Variants in NCKAP5 observed in about 807,000 individuals in gnomAD.
NCKAP5 encodes nck-associated protein 5.
Under a neutral mutation model 167.0 loss-of-function variants are expected in NCKAP5, and 92 were observed. That is an observed-to-expected ratio of 0.55 (90% CI 0.47 to 0.66). The LOEUF is 0.66. Among genes scored for constraint, NCKAP5 ranks in the 30% least tolerant of loss-of-function variants. The pLI is 0.00. For missense variants in NCKAP5, 2,378 were observed against 2,315.0 expected (o/e 1.03, Z -0.56); for synonymous variants, 891 against 877.4 (o/e 1.02, Z -0.27).
intron 3 of NCKAP5, among the ~76,000 whole-genome samples, chr2:133,356,286 A>G (rs1684711817): frequency 6.6e-6 from 1 of 152,100 alleles, no homozygotes; most frequent in Admixed American, 6.5e-5. Flanking sequence ...GTTTTTAACA[A>G]CCTCTCAGGG....
At chr2:133,201,819 A>T in intron 5 of NCKAP5, among the ~76,000 whole-genome samples, 1 of 152,270 alleles carries the variant, frequency 6.6e-6, no homozygotes, top group African/African-American at 2.4e-5. Context: ...CACAAGAGGA[A>T]CTAGGAGATT....
rs147118644 is a variant in NCKAP5, at chr2:133,140,479, G to A, written c.208-10368C>T. 1.1e-4 allele frequency among the ~76,000 whole-genome samples: 17 copies of A among 152,020 alleles called. No homozygotes were observed. In the East Asian group the frequency reaches 1.4e-3, roughly 12 times the overall value. ...AACTTTTGGTCCCTATGTTTCTCTC[G>A]TTGTTCTCTGTTATGGAGGATTCCA... On this transcript the variant is annotated intron_variant, in intron 5 of 19. Coordinates refer to ENST00000409261, the MANE Select transcript of NCKAP5 (RefSeq NM_207363.3).
At chr2:133,502,439 T>A (rs1247546728) in intron 3 of NCKAP5, among the ~76,000 whole-genome samples, 2 of 152,224 alleles carry the variant, frequency 1.3e-5, no homozygotes, top group African/African-American at 4.8e-5. Flanking sequence ...TGGTGTTTGA[T>A]GACTTTTCTC....
chr2:133,636,880 G>T, the NCKAP5 span, among the ~76,000 whole-genome samples: 3 of 151,664 alleles, frequency 2.0e-5, no homozygotes. Context: ...GAAATAGTAG[G>T]TTAGAAAAAA....
intron 4 of NCKAP5, among the ~76,000 whole-genome samples, chr2:133,226,538 G>A (rs1574436163): frequency 1.3e-5 from 2 of 151,302 alleles, no homozygotes; most frequent in East Asian, 3.9e-4. Context: ...TTTTAAATGA[G>A]GTCACTAGAA....
chr2:133,570,132 G>C (rs956390297), upstream of NCKAP5, among the ~76,000 whole-genome samples: 6 of 152,178 alleles, frequency 3.9e-5, no homozygotes, highest in Admixed American at 3.9e-4. Flanking sequence ...GATAAAGCAA[G>C]GTGCAGCGTA....
At chr2:133,145,332 G>A (rs2083151563) in intron 5 of NCKAP5, among the ~76,000 whole-genome samples, 1 of 151,936 alleles carries the variant, frequency 6.6e-6, no homozygotes, top group South Asian at 2.1e-4. Flanking sequence ...ACATACCGGG[G>A]CCTGTCGGGA....
chr2:133,598,392 C>T, the NCKAP5 span, among the ~76,000 whole-genome samples: 1 of 152,178 alleles, frequency 6.6e-6, no homozygotes, highest in Non-Finnish European at 1.5e-5. Flanking sequence ...CTCCAAAATC[C>T]TGTATGGTAC....
chr2:133,175,221 C>A (rs2084408065), intron 5 of NCKAP5, among the ~76,000 whole-genome samples: 1 of 152,070 alleles, frequency 6.6e-6, no homozygotes, highest in Non-Finnish European at 1.5e-5. Context: ...GATCCTTGAA[C>A]CTAAGATTTT....
intron 8 of NCKAP5, among the ~76,000 whole-genome samples, chr2:132,953,340 A>C (rs2076247991): frequency 6.6e-6 from 1 of 152,168 alleles, no homozygotes; most frequent in South Asian, 2.1e-4. Flanking sequence ...CTCACAGTTC[A>C]AGTGCAACTT....
chr2:133,235,796 C>T (rs753257895), intron 4 of NCKAP5, among the ~76,000 whole-genome samples: 30 of 151,240 alleles, frequency 2.0e-4, no homozygotes, highest in Non-Finnish European at 4.0e-4. Flanking sequence ...CCCAGCTACT[C>T]GGGAGGCTGA....
intron 3 of NCKAP5, among the ~76,000 whole-genome samples, chr2:133,491,636 T>A (rs1476567225): frequency 1.3e-5 from 2 of 152,140 alleles, no homozygotes; most frequent in Admixed American, 6.6e-5. Context: ...TCAGAATAGA[T>A]CTGTTCTTCT....
Position 133,033,554 on chromosome 2 carries a change from C to A in NCKAP5, c.342-39315G>T, listed in dbSNP as rs534337839. On this transcript the variant is annotated intron_variant, in intron 6 of 19. Coordinates refer to ENST00000409261, the MANE Select transcript of NCKAP5 (RefSeq NM_207363.3). The stretch of plus-strand genomic sequence containing the variant: ...CCAAACTTGGAGAAACAGAGAGATG[C>A]GATCTTTCAGACCAAGAATTCAAAA... 3.9e-5 allele frequency among the ~76,000 whole-genome samples: 6 copies of A among 152,160 alleles called. No individual in the cohort carries two copies. In the East Asian group the frequency reaches 7.7e-4, roughly 20 times the overall value.
At chr2:133,362,036 T>C (rs146169872) in intron 3 of NCKAP5, among the ~76,000 whole-genome samples, 2 of 151,772 alleles carry the variant, frequency 1.3e-5, no homozygotes, top group African/African-American at 4.8e-5. Flanking sequence ...TGTAAAAAAG[T>C]CTAGAGTATG....
chr2:133,136,087 A>T (rs2082777845), intron 5 of NCKAP5, among the ~76,000 whole-genome samples: 1 of 152,202 alleles, frequency 6.6e-6, no homozygotes, highest in African/African-American at 2.4e-5. Context: ...TTAATCACAA[A>T]TGCCATCTAG....
chr2:133,238,681 G>A (rs1046486249), intron 4 of NCKAP5, among the ~76,000 whole-genome samples: 8 of 152,158 alleles, frequency 5.3e-5, no homozygotes, highest in South Asian at 2.1e-4. Flanking sequence ...ATTTATAAAT[G>A]AAAGGGCTCA....
the NCKAP5 span, among the ~76,000 whole-genome samples, chr2:133,626,850 T>C: frequency 1.3e-5 from 2 of 151,950 alleles, no homozygotes; most frequent in African/African-American, 4.8e-5. Flanking sequence ...GTTTGAAATT[T>C]TACAAAGTGT....
intron 7 of NCKAP5, 93 bp from the exon 8 acceptor site, chr2:132,963,962 G>T: frequency 7.2e-7 from 1 of 1,398,178 alleles, no homozygotes; most frequent in Non-Finnish European, 9.9e-7. Flanking sequence ...TCTCCTGCGT[G>T]TGCATTCTTC....
chr2:133,424,186 T>C (rs1689649961), intron 3 of NCKAP5, among the ~76,000 whole-genome samples: 1 of 152,096 alleles, frequency 6.6e-6, no homozygotes, highest in South Asian at 2.1e-4. Context: ...TACTGTGCCT[T>C]TTAAACCCAT....
Sources: gnomAD v4.1 joint callset for allele counts (sites outside exome capture counted in the v4.1 genomes callset) on GRCh38, gnomAD v4.1.1 for gene constraint, MANE v1.5 for transcripts, NCBI Gene and HGNC (gene_info 2026-07-23, HGNC 2026-07-21) for gene names.